Variants in TUBGCP3 observed in about 807,000 individuals in gnomAD.
TUBGCP3 encodes tubulin gamma complex component 3.
In TUBGCP3, 50 loss-of-function variants were observed where a neutral mutation model predicts 123.1. That is an observed-to-expected ratio of 0.41 (90% CI 0.32 to 0.51). TUBGCP3 has a LOEUF of 0.51. Among genes scored for constraint, TUBGCP3 ranks in the 20% least tolerant of loss-of-function variants. The probability of loss-of-function intolerance (pLI) is 0.36; values close to 1 mark genes in which losing one functional copy is unlikely to be tolerated. For synonymous variants in TUBGCP3, 405 were observed against 413.9 expected (o/e 0.98, Z 0.26); for missense variants, 882 against 1,127.0 (o/e 0.78, Z 3.11).
At chr13:112,497,333 T>C (rs769376189) in intron 20 of TUBGCP3, among the ~76,000 whole-genome samples, 55 of 152,200 alleles carry the variant, frequency 3.6e-4, no homozygotes, top group Non-Finnish European at 7.6e-4. Context: ...AGCTTCTGTG[T>C]GCCAACTCTA....
chr13:112,559,824 T>C (rs1262294195), intron 3 of TUBGCP3, among the ~76,000 whole-genome samples: 3 of 152,178 alleles, frequency 2.0e-5, no homozygotes, highest in Admixed American at 6.5e-5. Flanking sequence ...CTCAGCATCA[T>C]GTGTACCTAA....
At position 112,499,132 on chromosome 13, in the gene TUBGCP3, A is replaced by C; in HGVS notation, c.2361T>G (p.Asn787Lys). ...CAGCTCTGTATATTGCATCTTGAGC[A>C]TTCTGAAGTTCAATAATTTGATCAA... ...AVFDQIIELQ[N>K]AQDAIYRAAL... The change falls in exon 20 of 22, where the codon AAT becomes AAG. Residue 787 changes from asparagine to lysine, a missense_variant. Physicochemically the swap from Asn to Lys is moderately conservative, Grantham distance 94 (BLOSUM62 0). Transcript: ENST00000261965. 1 of 1,613,994 alleles carries C rather than the reference A, an allele frequency of 6.2e-7. No individual in the cohort carries two copies. Among genetic ancestry groups the C allele is most frequent in the Non-Finnish European group, 8.5e-7 (1 of 1,179,960 alleles).
chr13:112,557,880 G>A (rs964848717), intron 5 of TUBGCP3, among the ~76,000 whole-genome samples: 1 of 152,242 alleles, frequency 6.6e-6, no homozygotes, highest in Non-Finnish European at 1.5e-5. Flanking sequence ...AAAAATCTGA[G>A]CACACAGTCA....
chr13:112,537,126 CCTTTTTTTTT>C (rs1878122500), intron 11 of TUBGCP3, among the ~76,000 whole-genome samples: 3 of 123,254 alleles, frequency 2.4e-5, no homozygotes, highest in Non-Finnish European at 4.8e-5. Context: ...TTACCTTTTT[CCTTTTTTTTT>C]TTTTTTTTTT....
At chr13:112,530,405 T>C (rs1361307629) in intron 11 of TUBGCP3, among the ~76,000 whole-genome samples, 3 of 152,206 alleles carry the variant, frequency 2.0e-5, no homozygotes, top group African/African-American at 4.8e-5. Flanking sequence ...TGATGAAAAG[T>C]ATAGTTCTTC....
At chr13:112,555,153 T>C (rs966841595) in intron 6 of TUBGCP3, 148 bp from the exon 7 acceptor site, 2 of 599,298 alleles carry the variant, frequency 3.3e-6, no homozygotes, top group Admixed American at 3.3e-5. Context: ...AAAAAGAGTA[T>C]GAGATTAGAA....
At chr13:112,526,159 TCAC>T (rs1451854005) in intron 13 of TUBGCP3, among the ~76,000 whole-genome samples, 1 of 150,748 alleles carries the variant, frequency 6.6e-6, no homozygotes, top group Non-Finnish European at 1.5e-5. Flanking sequence ...ACCACCATCA[TCAC>T]CATCACTATC....
chr13:112,583,660 T>C (rs1224731281), intron 1 of TUBGCP3, among the ~76,000 whole-genome samples: 2 of 152,246 alleles, frequency 1.3e-5, no homozygotes, highest in Non-Finnish European at 2.9e-5. Flanking sequence ...AACTCCACAG[T>C]TGTGTGTTTC....
At chr13:112,535,739 C>T (rs1243307628) in intron 11 of TUBGCP3, among the ~76,000 whole-genome samples, 1 of 152,002 alleles carries the variant, frequency 6.6e-6, no homozygotes, top group East Asian at 1.9e-4. Flanking sequence ...TTTTCACTTT[C>T]TCAAAAGTGC....
intron 10 of TUBGCP3, 103 bp downstream of exon 10, chr13:112,547,517 A>T (rs1366251100): frequency 1.5e-6 from 2 of 1,346,416 alleles, no homozygotes; most frequent in Non-Finnish European, 9.6e-7. Flanking sequence ...CGTGGGAAAG[A>T]CGCGCGTGGG....
At position 112,499,015 on chromosome 13, in the gene TUBGCP3, T is replaced by C. The variant is rs369608739; in HGVS notation, c.2448+30A>G. 29 of 1,614,082 alleles carry C rather than the reference T, an allele frequency of 1.8e-5. No homozygotes were observed. In the African/African-American group the frequency reaches 2.8e-4, roughly 16 times the overall value. ...TGTGGCAAGGAGTTCATTATTCAAA[T>C]AGATAAATTCACAAGTGTAAAGACC... On this transcript the variant is annotated intron_variant, in intron 20 of 21. Transcript: ENST00000261965.
chr13:112,534,273 G>A (rs1877841560), intron 11 of TUBGCP3, among the ~76,000 whole-genome samples: 1 of 152,200 alleles, frequency 6.6e-6, no homozygotes, highest in Non-Finnish European at 1.5e-5. Flanking sequence ...GCGGCCGGGC[G>A]CGGCGGCTCA....
intron 7 of TUBGCP3, among the ~76,000 whole-genome samples, 185 bp from the exon 8 acceptor site, chr13:112,554,367 C>T (rs559174190): frequency 6.6e-6 from 1 of 152,286 alleles, no homozygotes; most frequent in East Asian, 1.9e-4. Flanking sequence ...ATGGAAAGCA[C>T]CTCAAAGGGC....
intron 8 of TUBGCP3, among the ~76,000 whole-genome samples, chr13:112,550,586 C>A (rs780612091): frequency 1.1e-4 from 17 of 152,178 alleles, no homozygotes; most frequent in Non-Finnish European, 2.1e-4. Flanking sequence ...GGCTCATCTA[C>A]AAAGGGAGGA....
intron 20 of TUBGCP3, chr13:112,498,771 G>T: frequency 6.5e-7 from 1 of 1,540,118 alleles, no homozygotes. Flanking sequence ...TCGGCATTGT[G>T]GCACTCAGTA....
chr13:112,501,998 T>C (rs1322159554), intron 19 of TUBGCP3, among the ~76,000 whole-genome samples: 2 of 152,240 alleles, frequency 1.3e-5, no homozygotes, highest in Non-Finnish European at 2.9e-5. Context: ...GGAGTGTTAC[T>C]TATTTGCCAC....
intron 3 of TUBGCP3, among the ~76,000 whole-genome samples, chr13:112,560,132 C>CAAAAA (rs778347153): frequency 2.3e-5 from 2 of 87,686 alleles, no homozygotes; most frequent in Non-Finnish European, 4.4e-5. Flanking sequence ...GACTCCGTCT[C>CAAAAA]AAAAAAAAAA....
At chr13:112,570,958 T>C (rs1456613275) in intron 1 of TUBGCP3, among the ~76,000 whole-genome samples, 1 of 152,208 alleles carries the variant, frequency 6.6e-6, no homozygotes, top group Non-Finnish European at 1.5e-5. Context: ...CCTCATCCCT[T>C]CACATTTTAT....
intron 20 of TUBGCP3, among the ~76,000 whole-genome samples, chr13:112,498,098 C>T (rs1325955231): frequency 1.3e-5 from 2 of 152,142 alleles, no homozygotes; most frequent in Non-Finnish European, 2.9e-5. Context: ...CAAACACATA[C>T]ACATGCATAT....
Sources: gnomAD v4.1 joint callset for allele counts (sites outside exome capture counted in the v4.1 genomes callset) on GRCh38, gnomAD v4.1.1 for gene constraint, MANE v1.5 for transcripts, NCBI Gene and HGNC (gene_info 2026-07-23, HGNC 2026-07-21) for gene names.